TRDN: variants seen among roughly 807,000 people sequenced by gnomAD.
TRDN encodes the protein triadin in skeletal muscle.
TRDN carries 161 observed loss-of-function variants against 149.7 expected under a neutral mutation model. That is an observed-to-expected ratio of 1.08 (90% CI 0.95 to 1.23). The LOEUF is 1.23. TRDN is among the 50% of genes most tolerant of loss of function. TRDN has a pLI of 0.00. For synonymous variants in TRDN, 294 were observed against 250.5 expected (o/e 1.17, Z -1.64); for missense variants, 896 against 823.5 (o/e 1.09, Z -1.08).
intron 1 of TRDN, among the ~76,000 whole-genome samples, chr6:123,592,170 A>T (rs183464942): frequency 1.2e-4 from 18 of 152,328 alleles, no homozygotes; most frequent in African/African-American, 3.8e-4. Context: ...AACTAATAAA[A>T]GGCTTTTTCT....
chr6:123,586,254 A>G (rs1474364558), intron 1 of TRDN, among the ~76,000 whole-genome samples: 1 of 152,132 alleles, frequency 6.6e-6, no homozygotes, highest in African/African-American at 2.4e-5. Context: ...TGTAAGCCGG[A>G]CCGGGTGTGA....
chr6:123,333,787 A>G (rs966816206), intron 22 of TRDN, among the ~76,000 whole-genome samples: 1 of 152,164 alleles, frequency 6.6e-6, no homozygotes, highest in Admixed American at 6.6e-5. Flanking sequence ...CAGCTTATCT[A>G]TCTTGTTTGT....
intron 39 of TRDN, among the ~76,000 whole-genome samples, 196 bp downstream of exon 39, chr6:123,223,897 T>A (rs1775256504): frequency 6.6e-6 from 1 of 151,668 alleles, no homozygotes; most frequent in Non-Finnish European, 1.5e-5. Context: ...CTAGTGTTTT[T>A]AATATGTGAA....
intron 21 of TRDN, among the ~76,000 whole-genome samples, chr6:123,341,310 T>A (rs992320767): frequency 6.6e-6 from 1 of 151,914 alleles, no homozygotes; most frequent in South Asian, 2.1e-4. Context: ...ACTTTCTCTT[T>A]GTCATAATGA....
intron 10 of TRDN, among the ~76,000 whole-genome samples, chr6:123,446,135 A>G (rs1214430509): frequency 6.6e-6 from 1 of 151,324 alleles, no homozygotes; most frequent in Non-Finnish European, 1.5e-5. Flanking sequence ...CTATCACAAG[A>G]ACAAAAAACC....
rs769776218 is a variant in TRDN at position 123,382,148 on chromosome 6, C to T, written c.1136-1G>A. 8.0e-6 allele frequency: 12 copies of T among 1,499,964 alleles called. No individual in the cohort carries two copies. Among genetic ancestry groups the T allele is most frequent in the African/African-American group, 5.7e-5 (4 of 69,696 alleles). The allele number at this position is 1,499,964 out of a possible 1,614,324, so 92.9% of individuals were successfully genotyped here. On this transcript the variant is annotated splice_acceptor_variant, in intron 14 of 40. Coordinates refer to ENST00000334268, the MANE Select transcript of TRDN (RefSeq NM_006073.4). LOFTEE classifies it high-confidence loss of function. ...GCAGGTTTTTTTGTTTTCTTGGAAT[C>T]TGAAAACACAAAGATAAATTATTAA...
chr6:123,572,525 C>T (rs940016265), intron 1 of TRDN, among the ~76,000 whole-genome samples: 2 of 152,054 alleles, frequency 1.3e-5, no homozygotes, highest in Admixed American at 6.6e-5. Flanking sequence ...CTAGAAGTAA[C>T]TGAGAGATCA....
intron 4 of TRDN, among the ~76,000 whole-genome samples, chr6:123,536,198 ATAAC>A (rs1213450017): frequency 1.3e-5 from 2 of 152,204 alleles, no homozygotes; most frequent in Non-Finnish European, 2.9e-5. Context: ...CTCTCACTAA[ATAAC>A]TAAATTTGAT....
chr6:123,414,337 G>A (rs547729109), intron 12 of TRDN, among the ~76,000 whole-genome samples: 11 of 152,094 alleles, frequency 7.2e-5, no homozygotes, highest in African/African-American at 1.2e-4. Context: ...TAACGAGAAC[G>A]TACTCCATAG....
Position 123,290,007 on chromosome 6 carries a change from T to C in TRDN, c.1511-10925A>G, listed in dbSNP as rs1424903470. ...AGCTGTCTTGCTCAGGTAAGTTTAC[T>C]GGGAGTCTTGGACCCAAGACCCAGT... On this transcript the variant is annotated intron_variant, in intron 24 of 40. Transcript: ENST00000334268. Among the ~76,000 whole-genome samples, 2 of 152,198 alleles carry C rather than the reference T, an allele frequency of 1.3e-5. 1 individual carries two copies. Among genetic ancestry groups the C allele is most frequent in the East Asian group, 3.9e-4 (2 of 5,184 alleles).
At chr6:123,331,146 T>A (rs1260197899) in intron 23 of TRDN, among the ~76,000 whole-genome samples, 1 of 152,108 alleles carries the variant, frequency 6.6e-6, no homozygotes, top group East Asian at 1.9e-4. Flanking sequence ...CAATGCCATG[T>A]CCACAGAATA....
chr6:123,504,949 A>G (rs2114836484), intron 7 of TRDN, among the ~76,000 whole-genome samples: 2 of 152,296 alleles, frequency 1.3e-5, no homozygotes, highest in East Asian at 1.9e-4. Flanking sequence ...CACTCATGTT[A>G]AAGAATTTGA....
intron 2 of TRDN, among the ~76,000 whole-genome samples, chr6:123,549,221 A>G (rs1412347932): frequency 1.3e-5 from 2 of 152,088 alleles, no homozygotes; most frequent in Non-Finnish European, 2.9e-5. Context: ...ACTTCAATGG[A>G]TAGAATCTAT....
chr6:123,399,335 G>C (rs1449956328), intron 12 of TRDN, among the ~76,000 whole-genome samples: 2 of 152,166 alleles, frequency 1.3e-5, no homozygotes, highest in Non-Finnish European at 2.9e-5. Flanking sequence ...GTGTGAGAAT[G>C]ACAAGTTTCT....
intron 12 of TRDN, among the ~76,000 whole-genome samples, chr6:123,432,325 T>A (rs1303924845): frequency 6.6e-6 from 1 of 152,084 alleles, no homozygotes; most frequent in Non-Finnish European, 1.5e-5. Flanking sequence ...TCATATATTG[T>A]ATATCTTACA....
chr6:123,539,065 T>G (rs748450106), intron 4 of TRDN, among the ~76,000 whole-genome samples: 1 of 152,200 alleles, frequency 6.6e-6, no homozygotes, highest in Non-Finnish European at 1.5e-5. Flanking sequence ...ATGAGAATTA[T>G]CTGGGGAGAT....
At position 123,323,390 on chromosome 6, in the gene TRDN, A is replaced by C. The variant is rs146290201; in HGVS notation, c.1472-6895T>G. On this transcript the variant is annotated intron_variant, in intron 23 of 40. Transcript: ENST00000334268. ...CTTTTCCCATAACACATAGACACACACACAAGCACACCTCCACACACACAT... is the reference window on the plus strand; with the variant it reads ...CTTTTCCCATAACACATAGACACACCCACAAGCACACCTCCACACACACAT... Among the ~76,000 whole-genome samples the C allele has an allele frequency of 2.0e-3, 299 of 152,268 alleles. 1 individual carries two copies. The highest frequency in any genetic ancestry group is 6.8e-3 in the African/African-American group (284 of 41,562).
chr6:123,234,788 G>A (rs1775726534), intron 38 of TRDN, among the ~76,000 whole-genome samples: 1 of 152,114 alleles, frequency 6.6e-6, no homozygotes, highest in Middle Eastern at 3.2e-3. Context: ...TGACCCTTCT[G>A]TCCCAGGGAA....
At chr6:123,471,122 A>T (rs1777126834) in intron 9 of TRDN, 1 of 152,238 alleles carries the variant, frequency 6.6e-6, no homozygotes, top group African/African-American at 2.4e-5. Context: ...AATGAAAATC[A>T]GAAGTTGTAG....
Sources: allele counts gnomAD v4.1 joint callset (sites outside exome capture counted in the v4.1 genomes callset), GRCh38; gene constraint gnomAD v4.1.1; transcripts MANE v1.5; gene names NCBI Gene and HGNC (gene_info 2026-07-23, HGNC 2026-07-21).